The following GAD1 variants were observed in gnomAD, a reference collection of about 807,000 sequenced individuals.
GAD1 encodes glutamate decarboxylase 1.
In GAD1, 35 loss-of-function variants were observed where a neutral mutation model predicts 75.2. The observed-to-expected ratio is 0.47, with a 90% CI of 0.36 to 0.62. The LOEUF is 0.62. GAD1 is among the 20% of genes least tolerant of loss of function. GAD1 has a pLI of 0.00. For synonymous variants in GAD1, 257 were observed against 271.9 expected (o/e 0.95, Z 0.54); for missense variants, 490 against 758.5 (o/e 0.65, Z 4.16).
In GAD1 at chr2:170,853,240, G is replaced by C. The variant is rs1354395314; in HGVS notation, c.1263+448G>C. On this transcript the variant is annotated intron_variant, in intron 13 of 16. Transcript: ENST00000358196. The surrounding 1 kb of genome is among the most constrained non-coding windows in gnomAD (Gnocchi z 4.1). ...TACAAATATCAACTTAGGGCCACAA[G>C]GAATATTGCCCCAAAAGCTGCTGTA... The C allele has an allele frequency of 9.1e-6, 2 of 218,626 alleles. No individual in the cohort carries two copies. Among genetic ancestry groups the C allele is most frequent in the Non-Finnish European group, 1.8e-5 (2 of 108,214 alleles). 13.5% of individuals were successfully genotyped at this position (218,626 alleles called of 1,614,324 possible). A position where few individuals can be genotyped will look rare whatever the true frequency, so the allele number is the denominator to read the frequency against.
chr2:170,836,216 C>T (rs754402271), intron 5 of GAD1, among the ~76,000 whole-genome samples: 13 of 151,844 alleles, frequency 8.6e-5, no homozygotes, highest in African/African-American at 1.2e-4. Flanking sequence ...TAATCTATTG[C>T]GTTGACTCCT....
chr2:170,843,888 C>A, intron 6 of GAD1, 157 bp from the exon 7 acceptor site: 1 of 633,116 alleles, frequency 1.6e-6, no homozygotes, highest in Non-Finnish European at 2.9e-6. Context: ...TTATGATCGG[C>A]GACTTAATGC....
intron 12 of GAD1, 74 bp from the exon 13 acceptor site, chr2:170,852,640 G>C: frequency 8.2e-7 from 1 of 1,215,208 alleles, no homozygotes; most frequent in Non-Finnish European, 1.2e-6. Flanking sequence ...AGTTGGAATG[G>C]GTGTTTTCCT....
intron 14 of GAD1, 27 bp from the exon 15 acceptor site, chr2:170,856,991 C>CA (rs1453767861): frequency 6.3e-7 from 1 of 1,588,600 alleles, no homozygotes; most frequent in East Asian, 2.2e-5. Context: ...AATGCAACCA[C>CA]AAACATGACT....
chr2:170,831,689 T>C (rs1702232082), intron 5 of GAD1, among the ~76,000 whole-genome samples: 1 of 141,200 alleles, frequency 7.1e-6, no homozygotes, highest in Admixed American at 7.3e-5. Context: ...ATATAATAAA[T>C]AAATAATAAT....
intron 4 of GAD1, 148 bp downstream of exon 4, chr2:170,829,781 A>G (rs1418584398): frequency 1.2e-6 from 1 of 853,858 alleles, no homozygotes; most frequent in Non-Finnish European, 1.8e-6. Context: ...ACTTTGGGGG[A>G]ATATAATTGA....
At chr2:170,819,251 A>G (rs1278343391) in intron 2 of GAD1, among the ~76,000 whole-genome samples, 2 of 151,916 alleles carry the variant, frequency 1.3e-5, no homozygotes, top group African/African-American at 4.8e-5. Flanking sequence ...TAAAACTGAG[A>G]CTGAGCCTTG....
At chr2:170,852,348 T>C (rs1287271496) in intron 12 of GAD1, 5 of 322,662 alleles carry the variant, frequency 1.5e-5, no homozygotes, top group African/African-American at 6.4e-5. Context: ...ATAAGAGTTA[T>C]ATAATGTGCC....
rs564049427 is a variant in GAD1, at chr2:170,853,776, A to G, written c.1264-97A>G. 8.5e-5 allele frequency: 102 copies of G among 1,198,176 alleles called. No homozygotes were observed. In the African/African-American group the frequency reaches 9.2e-4, roughly 11 times the overall value. The allele number at this position is 1,198,176 out of a possible 1,614,324, so 74.2% of individuals were successfully genotyped here. ...AAAGACATCAGAAGAAAGATTGCAT[A>G]TGACCCCAAGCCCCTCCTTCCAAGC... is the stretch of plus-strand genomic sequence containing the variant. On this transcript the variant is annotated intron_variant, in intron 13 of 16. Coordinates refer to ENST00000358196, the MANE Select transcript of GAD1 (RefSeq NM_000817.3). This position sits in a 1 kb window ranked among gnomAD's most constrained non-coding sequence, Gnocchi z 4.1.
chr2:170,841,741 G>C (rs77278358), intron 6 of GAD1, among the ~76,000 whole-genome samples: 16,788 of 152,142 alleles, frequency 0.11, 1,261 homozygotes, highest in Non-Finnish European at 0.16. Context: ...GCCATGGACT[G>C]ATATACTAGC....
intron 6 of GAD1, among the ~76,000 whole-genome samples, chr2:170,841,854 C>T (rs1293771570): frequency 6.6e-6 from 1 of 152,180 alleles, no homozygotes; most frequent in Non-Finnish European, 1.5e-5. Context: ...ACAGCTAAGG[C>T]CAAGAACCAG....
At chr2:170,832,662 GCGCA>G (rs869307094) in intron 5 of GAD1, among the ~76,000 whole-genome samples, 20,866 of 128,252 alleles carry the variant, frequency 0.16, 1,583 homozygotes, top group Non-Finnish European at 0.21. Context: ...GCGCGCGCGC[GCGCA>G]CACACACACA....
rs1187910575 is a variant in GAD1, at chr2:170,853,602, TCCCAGA to T, written c.1264-269_1264-264del. The T allele has an allele frequency of 4.8e-5, 20 of 417,232 alleles. 1 individual carries two copies. The highest frequency in any genetic ancestry group is 2.8e-4 in the Admixed American group (8 of 28,408). The allele number at this position is 417,232 out of a possible 1,614,324, so 25.8% of individuals were successfully genotyped here. ...GTAGCACTTCCCAATCTTGAAACAA[TCCCAGA>T]CACCCATACACATTTCCCCTTAGAG... On this transcript the variant is annotated intron_variant, in intron 13 of 16. Coordinates refer to ENST00000358196, the MANE Select transcript of GAD1 (RefSeq NM_000817.3). The surrounding 1 kb of genome is among the most constrained non-coding windows in gnomAD (Gnocchi z 4.1).
At chr2:170,823,270 C>T (rs867628647) in intron 3 of GAD1, among the ~76,000 whole-genome samples, 1 of 152,230 alleles carries the variant, frequency 6.6e-6, no homozygotes, top group African/African-American at 2.4e-5. Context: ...GAGAGCCGCC[C>T]GCCGCCTGGG....
intron 5 of GAD1, among the ~76,000 whole-genome samples, chr2:170,832,664 G>GCACACACACACACACACACA (rs3049892): frequency 3.8e-5 from 3 of 78,908 alleles, no homozygotes; most frequent in South Asian, 6.2e-4. Flanking sequence ...GCGCGCGCGC[G>GCACACACACACACACACACA]CACACACACA....
chr2:170,822,881 G>A (rs1559268481), intron 3 of GAD1, among the ~76,000 whole-genome samples: 2 of 152,222 alleles, frequency 1.3e-5, no homozygotes, highest in Non-Finnish European at 1.5e-5. Context: ...AGCCGCAGGC[G>A]GCGAAAGAAC....
chr2:170,822,039 C>CG (rs1182762706), intron 2 of GAD1, 48 bp from the exon 3 acceptor site: 1 of 1,492,790 alleles, frequency 6.7e-7, no homozygotes, highest in Non-Finnish European at 9.2e-7. Context: ...CATTTCCCCG[C>CG]GGTCGGAACC....
chr2:170,824,418 CA>C (rs1363819391), intron 3 of GAD1, among the ~76,000 whole-genome samples: 4 of 139,610 alleles, frequency 2.9e-5, no homozygotes, highest in East Asian at 4.4e-4. Flanking sequence ...CACACACACA[CA>C]CCCCTCCCTT....
intron 6 of GAD1, 108 bp from the exon 7 acceptor site, chr2:170,843,937 C>CT (rs879248763): frequency 1.8e-4 from 128 of 715,070 alleles, no homozygotes; most frequent in South Asian, 1.2e-3. Context: ...TTTGGAACAG[C>CT]TTTTTTTTAG....
Sources: allele counts gnomAD v4.1 joint callset (sites outside exome capture counted in the v4.1 genomes callset), GRCh38; gene constraint gnomAD v4.1.1; non-coding constraint Gnocchi (gnomAD v3.1); transcripts MANE v1.5; gene names NCBI Gene and HGNC (gene_info 2026-07-23, HGNC 2026-07-21).